PAK3: variants seen among roughly 807,000 people sequenced by gnomAD.
PAK3 encodes the protein serine/threonine-protein kinase PAK 3.
A neutral mutation model predicts 41.0 loss-of-function variants in PAK3; 4 were observed. The ratio of observed to expected loss-of-function variants is 0.10; its 90% CI spans 0.05 to 0.22. The LOEUF is 0.22. Ranked by LOEUF, PAK3 falls within the 10% of genes least tolerant of loss-of-function variation. The probability of loss-of-function intolerance (pLI) is 1.00; values close to 1 mark genes in which losing one functional copy is unlikely to be tolerated. For synonymous variants in PAK3, 146 were observed against 139.6 expected, an observed-to-expected ratio of 1.05 and a Z score of -0.32; for missense variants, 205 against 409.9, an observed-to-expected ratio of 0.50 and a Z score of 4.32.
intron 11 of PAK3, among the ~76,000 whole-genome samples, chrX:111,188,515 G>A (rs73541172): frequency 0.18 from 20,282 of 111,124 alleles, 4,051 homozygotes; most frequent in African/African-American, 0.59. Context: ...CCTAGGGGGG[G>A]AGAAAGGATG....
At chrX:111,133,734 G>A (rs1020673597) in intron 5 of PAK3, among the ~76,000 whole-genome samples, 3 of 111,996 alleles carry the variant, frequency 2.7e-5, no homozygotes, top group African/African-American at 9.7e-5. Flanking sequence ...AATTATTTCT[G>A]CAGTAAAAAT....
At chrX:111,025,341 T>C (rs1487941610) in intron 1 of PAK3, among the ~76,000 whole-genome samples, 3 of 109,987 alleles carry the variant, frequency 2.7e-5, no homozygotes, top group Non-Finnish European at 3.8e-5. Context: ...AAAAGATAAA[T>C]GAAACAAAAA....
intron 8 of PAK3, among the ~76,000 whole-genome samples, chrX:111,156,489 G>A (rs2094108360): frequency 8.9e-6 from 1 of 112,022 alleles, no homozygotes; most frequent in Non-Finnish European, 1.9e-5. Context: ...CCTTAGGAAT[G>A]GATAACTGCA....
intron 1 of PAK3, among the ~76,000 whole-genome samples, chrX:111,052,143 G>A (rs1311252711): frequency 1.8e-5 from 2 of 112,236 alleles, no homozygotes; most frequent in Non-Finnish European, 3.8e-5. Flanking sequence ...CTATAGCCAT[G>A]TACTCCCAGT....
At chrX:110,959,071 C>T (rs925880638) in intron 1 of PAK3, among the ~76,000 whole-genome samples, 2 of 112,151 alleles carry the variant, frequency 1.8e-5, no homozygotes, top group African/African-American at 3.2e-5. Flanking sequence ...GGCACACATA[C>T]GTTTGCTCTG....
intron 6 of PAK3, chrX:111,145,051 ACAGT>A: frequency 2.6e-6 from 1 of 384,832 alleles, no homozygotes. Context: ...TATCCTATAC[ACAGT>A]CAGACATTGA....
Position 111,226,289 on chromosome X carries a change from C to T in PAK3, c.*5842C>T, listed in dbSNP as rs1254755900. 1 of 111,995 alleles carries T rather than the reference C, an allele frequency of 8.9e-6. No individual in the cohort carries two copies. The highest frequency in any genetic ancestry group is 3.2e-5 in the African/African-American group (1 of 30,805). The allele number at this position is 111,995 out of a possible 1,213,427, so 9.2% of individuals were successfully genotyped here. A position where few individuals can be genotyped will look rare whatever the true frequency, so the allele number is the denominator to read the frequency against. ...TTTCGTTTTGTTTTTGTTTTAATGT[C>T]CATTTTCTGTTGACTGTTCCCAGTT... On this transcript the variant is annotated 3_prime_UTR_variant, in exon 18 of 18. Coordinates refer to ENST00000372007, the MANE Select transcript of PAK3 (RefSeq NM_002578.5).
chrX:110,995,002 T>C (rs2091716498), intron 1 of PAK3, among the ~76,000 whole-genome samples: 1 of 112,175 alleles, frequency 8.9e-6, no homozygotes, highest in Non-Finnish European at 1.9e-5. Context: ...AAATAAATTA[T>C]GGCAATTACT....
At chrX:111,089,697 G>A (rs2092915267) in intron 1 of PAK3, among the ~76,000 whole-genome samples, 1 of 111,030 alleles carries the variant, frequency 9.0e-6, no homozygotes, top group South Asian at 3.9e-4. Flanking sequence ...AGTTTGATAC[G>A]GCTGACCCTC....
intron 1 of PAK3, among the ~76,000 whole-genome samples, chrX:111,081,958 G>T (rs1315112623): frequency 9.0e-6 from 1 of 111,071 alleles, no homozygotes; most frequent in East Asian, 2.8e-4. Context: ...AAAAATAAAA[G>T]GTTGTTCATT....
In PAK3 at chrX:111,001,947, T is replaced by G. The variant is rs1208513120; in HGVS notation, c.-28+57319T>G. On this transcript the variant is annotated intron_variant, in intron 1 of 14. Coordinates refer to the PAK3 transcript ENST00000425146. ...AAGAGTGCTTAAAAAAAAAAAAAGATTGTATGAGAGGATTTAGTGCTTAGT... is the reference window on the plus strand; with the variant it reads ...AAGAGTGCTTAAAAAAAAAAAAAGAGTGTATGAGAGGATTTAGTGCTTAGT... Among the ~76,000 whole-genome samples, 3 of 110,434 alleles carry G rather than the reference T, an allele frequency of 2.7e-5. No homozygotes were observed. The South Asian group carries it at 1.2e-3, about 43-fold the overall frequency.
chrX:111,107,362 A>C (rs1052015791), intron 4 of PAK3, among the ~76,000 whole-genome samples: 2 of 112,398 alleles, frequency 1.8e-5, no homozygotes, highest in Non-Finnish European at 3.8e-5. Context: ...GACCCCACTG[A>C]AATTTCAACA....
chrX:111,035,188 G>A (rs1269001622), intron 1 of PAK3, among the ~76,000 whole-genome samples: 2 of 103,505 alleles, frequency 1.9e-5, no homozygotes, highest in African/African-American at 7.0e-5. Flanking sequence ...AAAAAGAAAC[G>A]GTAATATCTG....
At chrX:111,006,838 TTTC>T (rs2091934788) in intron 1 of PAK3, among the ~76,000 whole-genome samples, 2 of 15,704 alleles carry the variant, frequency 1.3e-4, no homozygotes, top group Non-Finnish European at 6.0e-4. Flanking sequence ...TCTTTCTTTC[TTTC>T]TTTCTTTCTT....
chrX:111,033,515 G>A (rs1311770811), intron 1 of PAK3, among the ~76,000 whole-genome samples: 1 of 111,858 alleles, frequency 8.9e-6, no homozygotes, highest in Non-Finnish European at 1.9e-5. Context: ...AATTTTGGTA[G>A]ACATCTGAGC....
At chrX:111,205,658 T>G (rs752472670) in intron 16 of PAK3, among the ~76,000 whole-genome samples, 1 of 111,570 alleles carries the variant, frequency 9.0e-6, no homozygotes, top group Non-Finnish European at 1.9e-5. Context: ...TGAAGAACAC[T>G]GCAGTAATAA....
chrX:111,191,054 G>A (rs1324955383), intron 11 of PAK3, among the ~76,000 whole-genome samples: 1 of 112,102 alleles, frequency 8.9e-6, no homozygotes, highest in South Asian at 3.7e-4. Flanking sequence ...TAGAATGGAA[G>A]CAAGAGTACT....
chrX:111,187,831 T>A (rs1454281720), intron 11 of PAK3, among the ~76,000 whole-genome samples: 1 of 109,652 alleles, frequency 9.1e-6, no homozygotes, highest in African/African-American at 3.3e-5. Flanking sequence ...AACTTATTGG[T>A]CAGAGCAGGG....
At chrX:110,959,563 A>G (rs762070657) in intron 1 of PAK3, among the ~76,000 whole-genome samples, 3 of 111,701 alleles carry the variant, frequency 2.7e-5, no homozygotes, top group South Asian at 3.8e-4. Flanking sequence ...CCTGGACCCC[A>G]TCCCTAGAGA....
Sources: allele counts gnomAD v4.1 joint callset (sites outside exome capture counted in the v4.1 genomes callset), GRCh38; gene constraint gnomAD v4.1.1; transcripts MANE v1.5; gene names NCBI Gene and HGNC (gene_info 2026-07-23, HGNC 2026-07-21).